Variants in DCDC1 observed in about 807,000 individuals in gnomAD.
The protein encoded by DCDC1 is doublecortin domain containing 1, also known as doublecortin domain-containing protein 1.
A neutral mutation model predicts 178.3 loss-of-function variants in DCDC1; 200 were observed. The ratio of observed to expected loss-of-function variants is 1.12; its 90% confidence interval spans 1.00 to 1.26. The LOEUF is 1.26. Among genes scored for constraint, DCDC1 ranks in the 50% most tolerant of loss-of-function variants. The pLI is 0.00. For missense variants in DCDC1, 1,983 were observed against 1,749.2 expected (o/e 1.13, Z -2.38); for synonymous variants, 690 against 604.8 (o/e 1.14, Z -2.07).
chr11:31,096,116 T>C (rs900323169), intron 15 of DCDC1, among the ~76,000 whole-genome samples: 5 of 152,178 alleles, frequency 3.3e-5, no homozygotes, highest in Admixed American at 6.5e-5. Context: ...ATATATGTGG[T>C]AATTATTCTG....
chr11:31,178,261 G>A (rs572788059), intron 9 of DCDC1, among the ~76,000 whole-genome samples: 4 of 152,270 alleles, frequency 2.6e-5, no homozygotes, highest in South Asian at 2.1e-4. Flanking sequence ...CGTGATTTTC[G>A]ACTATGTTGC....
chr11:31,293,387 A>T (rs1023238371), intron 6 of DCDC1, among the ~76,000 whole-genome samples: 1 of 152,174 alleles, frequency 6.6e-6, no homozygotes, highest in Non-Finnish European at 1.5e-5. Flanking sequence ...CTAAGGCCAG[A>T]GGGAGGAGAT....
chr11:31,050,480 A>T (rs1055716611), intron 20 of DCDC1, among the ~76,000 whole-genome samples: 3 of 152,220 alleles, frequency 2.0e-5, no homozygotes, highest in Non-Finnish European at 1.5e-5. Flanking sequence ...ACCCATCGCC[A>T]GTCGCTCTCC....
chr11:31,352,782 C>A (rs10835766), intron 1 of DCDC1, among the ~76,000 whole-genome samples: 102,462 of 152,018 alleles, frequency 0.67, 35,238 homozygotes, highest in African/African-American at 0.79. Flanking sequence ...AATGAAACCC[C>A]AAATGTAGCA....
intron 15 of DCDC1, among the ~76,000 whole-genome samples, chr11:31,096,434 A>G (rs1958156784): frequency 6.6e-6 from 1 of 152,192 alleles, no homozygotes; most frequent in African/African-American, 2.4e-5. Context: ...AATTAGTCAG[A>G]CAGAAGAACC....
At chr11:31,148,634 G>T (rs959903907) in intron 9 of DCDC1, among the ~76,000 whole-genome samples, 7 of 151,476 alleles carry the variant, frequency 4.6e-5, no homozygotes, top group Non-Finnish European at 1.0e-4. Context: ...TAAAATGGTT[G>T]TTATGCTTTG....
At chr11:31,200,426 G>T (rs1002481535) in intron 9 of DCDC1, among the ~76,000 whole-genome samples, 8 of 152,128 alleles carry the variant, frequency 5.3e-5, no homozygotes, top group African/African-American at 1.9e-4. Context: ...AAAAGAAAAA[G>T]TGAAAGGATT....
Position 31,328,202 on chromosome 11 carries a change from C to T in DCDC1, c.79G>A (p.Val27Ile), listed in dbSNP as rs752081361. ...CCTTCAGGGCTACTTTGCTGTAATA[C>T]TTCCATTGCTTCAGTCAAGAGGGAT... ...SLSLLTEAME[V>I]LQQSSPEGTL... Residue 27 changes from valine (V) to isoleucine (I), a missense_variant, in exon 3 of 39, where the codon GTA becomes ATA. Coordinates refer to ENST00000684477, the MANE Select transcript of DCDC1 (RefSeq NM_001387274.1). 2 of 1,612,312 alleles carry T rather than the reference C, an allele frequency of 1.2e-6. No homozygotes were observed. Among genetic ancestry groups the T allele is most frequent in the Admixed American group, 1.7e-5 (1 of 59,956 alleles).
intron 7 of DCDC1, among the ~76,000 whole-genome samples, chr11:31,288,635 T>C (rs1235934683): frequency 1.3e-5 from 2 of 151,874 alleles, no homozygotes; most frequent in African/African-American, 2.4e-5. Context: ...TAGAATCCTT[T>C]ACATTCTACT....
intron 7 of DCDC1, among the ~76,000 whole-genome samples, chr11:31,288,330 T>C (rs930818691): frequency 6.6e-6 from 1 of 151,984 alleles, no homozygotes; most frequent in Admixed American, 6.6e-5. Flanking sequence ...ACTGAAGCCA[T>C]ATCAAGTAAT....
At chr11:31,274,350 T>C (rs969546718) in intron 7 of DCDC1, among the ~76,000 whole-genome samples, 2 of 152,192 alleles carry the variant, frequency 1.3e-5, no homozygotes, top group East Asian at 3.9e-4. Flanking sequence ...GATATGGCAG[T>C]GAGCAAAACC....
At chr11:31,277,627 T>G (rs1371190116) in intron 7 of DCDC1, among the ~76,000 whole-genome samples, 1 of 152,154 alleles carries the variant, frequency 6.6e-6, no homozygotes, top group Non-Finnish European at 1.5e-5. Context: ...GTGTGTATAG[T>G]GGTAACTCCA....
intron 1 of DCDC1, among the ~76,000 whole-genome samples, chr11:31,346,973 A>G (rs1202989290): frequency 1.3e-5 from 2 of 152,236 alleles, no homozygotes; most frequent in Non-Finnish European, 2.9e-5. Flanking sequence ...CATATCAGAA[A>G]TCACATATTT....
At chr11:31,057,952 A>G (rs1955694232) in intron 20 of DCDC1, among the ~76,000 whole-genome samples, 1 of 152,120 alleles carries the variant, frequency 6.6e-6, no homozygotes, top group Non-Finnish European at 1.5e-5. Context: ...CTTCCCTGTT[A>G]GATTCTGTGG....
intron 35 of DCDC1, among the ~76,000 whole-genome samples, chr11:30,893,646 G>T (rs1430570110): frequency 6.6e-6 from 1 of 152,142 alleles, no homozygotes; most frequent in Non-Finnish European, 1.5e-5. Context: ...CTAAGATTTA[G>T]ATTGAAAACA....
intron 7 of DCDC1, among the ~76,000 whole-genome samples, chr11:31,284,769 G>C (rs1213485884): frequency 6.6e-6 from 1 of 151,794 alleles, no homozygotes; most frequent in African/African-American, 2.4e-5. Flanking sequence ...CTCCCAAGTA[G>C]CTTGGATTAC....
At chr11:31,265,893 ATTAT>A (rs1292174027) in intron 7 of DCDC1, among the ~76,000 whole-genome samples, 2 of 148,672 alleles carry the variant, frequency 1.3e-5, no homozygotes, top group African/African-American at 4.9e-5. Flanking sequence ...ATTATTATCT[ATTAT>A]TTATTATTAT....
In DCDC1 at chr11:30,909,050, G is replaced by A; in HGVS notation, c.3814C>T (p.Leu1272Phe). ...KWHYMKNIKA[L>F]VAFHSTALDK... The stretch of plus-strand genomic sequence containing the variant: ...AAGGCAGTGCTATGAAAGGCCACAA[G>A]TGCTTTTATATTTTTCATGTAATGC... The change falls in exon 29 of 39, where the codon CTT becomes TTT. Residue 1272 changes from leucine (L) to phenylalanine (F), a missense_variant. Coordinates refer to ENST00000684477, the MANE Select transcript of DCDC1 (RefSeq NM_001387274.1). 2 of 1,611,832 alleles carry A rather than the reference G, an allele frequency of 1.2e-6. No individual in the cohort carries two copies. The highest frequency in any genetic ancestry group is 1.7e-6 in the Non-Finnish European group (2 of 1,178,630).
chr11:30,890,449 T>C (rs1265554331), intron 36 of DCDC1, among the ~76,000 whole-genome samples: 2 of 152,236 alleles, frequency 1.3e-5, no homozygotes, highest in Admixed American at 6.5e-5. Context: ...GAGTTCCTGA[T>C]TGATTCCTCT....
Sources: gnomAD v4.1 joint callset for allele counts (sites outside exome capture counted in the v4.1 genomes callset) on GRCh38, gnomAD v4.1.1 for gene constraint, MANE v1.5 for transcripts, NCBI Gene and HGNC (gene_info 2026-07-23, HGNC 2026-07-21) for gene names.